Variants in OR2C1 observed in about 807,000 individuals in gnomAD.
OR2C1 encodes the protein olfactory receptor family 2 subfamily C member 1, also known as olfactory receptor 2C1.
For missense variants in OR2C1, 468 were observed against 388.3 expected (o/e 1.21, Z -1.73); for synonymous variants, 209 against 167.3 (o/e 1.25, Z -1.92).
rs973541218 is a variant in OR2C1, at chr16:3,357,070, C to T, written c.*191C>T. The T allele has an allele frequency of 1.7e-6, 1 of 575,660 alleles. No individual in the cohort carries two copies. Among genetic ancestry groups the T allele is most frequent in the Non-Finnish European group, 3.1e-6 (1 of 322,074 alleles). 35.7% of individuals were successfully genotyped at this position (575,660 alleles called of 1,614,324 possible). On this transcript the variant is annotated 3_prime_UTR_variant, in exon 1 of 1. Coordinates refer to ENST00000304936, the MANE Select transcript of OR2C1 (RefSeq NM_012368.3). ...ATTCGTAATGTTCTACACTTATTTACCAAAAATCCTACTGTGGACTACCGA... is the reference window on the plus strand; with the variant it reads ...ATTCGTAATGTTCTACACTTATTTATCAAAAATCCTACTGTGGACTACCGA...
the OR2C1 span, among the ~76,000 whole-genome samples, chr16:3,348,151 T>G: frequency 1.3e-5 from 2 of 152,204 alleles, no homozygotes; most frequent in Admixed American, 6.5e-5. Flanking sequence ...GACACATATC[T>G]GTCCAAACAC....
At chr16:3,347,056 C>A in the OR2C1 span, among the ~76,000 whole-genome samples, 3 of 150,534 alleles carry the variant, frequency 2.0e-5, no homozygotes, top group Non-Finnish European at 4.4e-5. Flanking sequence ...ACCAGCCTGG[C>A]CAACATGATG....
chr16:3,323,997 T>G, the OR2C1 span: 1 of 478,462 alleles, frequency 2.1e-6, no homozygotes. Context: ...CCAACATAAT[T>G]TTCACACTAA....
At chr16:3,335,176 G>T in the OR2C1 span, among the ~76,000 whole-genome samples, 2 of 152,284 alleles carry the variant, frequency 1.3e-5, no homozygotes, top group South Asian at 4.1e-4. Context: ...TTGTGGGTCT[G>T]TATAACTTTT....
At chr16:3,342,668 G>A in the OR2C1 span, among the ~76,000 whole-genome samples, 3 of 152,128 alleles carry the variant, frequency 2.0e-5, no homozygotes, top group African/African-American at 7.2e-5. Flanking sequence ...TCATGAGGTC[G>A]GGAGTTCGAG....
chr16:3,327,387 A>G, the OR2C1 span, among the ~76,000 whole-genome samples: 1 of 152,144 alleles, frequency 6.6e-6, no homozygotes, highest in Non-Finnish European at 1.5e-5. Flanking sequence ...TTTGGGGAAC[A>G]GTTCCTACTC....
At chr16:3,351,034 C>CAAAAA (rs1172796202), upstream of OR2C1, among the ~76,000 whole-genome samples, 2 of 49,532 alleles carry the variant, frequency 4.0e-5, no homozygotes, top group Non-Finnish European at 8.8e-5. Flanking sequence ...GACCCTGACT[C>CAAAAA]AAAAAAAAAA....
the OR2C1 span, among the ~76,000 whole-genome samples, chr16:3,343,619 G>T: frequency 6.6e-6 from 1 of 152,140 alleles, no homozygotes; most frequent in Non-Finnish European, 1.5e-5. Flanking sequence ...AGGTGTGGTG[G>T]TGGGCGCCTG....
In OR2C1 at chr16:3,356,704, C is replaced by T; in HGVS notation, c.764C>T (p.Ala255Val). The T allele has an allele frequency of 1.9e-6, 3 of 1,614,184 alleles. No homozygotes were observed. The highest frequency in any genetic ancestry group is 2.5e-6 in the Non-Finnish European group (3 of 1,180,032). ...GTGGTGTTCCTCTTCTATGGCTCAG[C>T]CAGCTATGGGTATCTGCTTCCGGCC... Reference protein sequence around the residue: ...LLVVFLFYGSASYGYLLPAKN... With the variant: ...LLVVFLFYGSVSYGYLLPAKN... The change falls in exon 1 of 1, where the codon GCC (alanine) becomes GTC (valine). Residue 255 changes from alanine (A) to valine (V), a missense_variant. Ala to Val is a moderately conservative substitution (Grantham distance 64, BLOSUM62 0). Transcript: ENST00000304936.
Position 3,356,463 on chromosome 16 carries a change from G to A in OR2C1, c.523G>A (p.Glu175Lys), listed in dbSNP as rs1312425253. The change falls in exon 1 of 1, where the codon GAG becomes AAG. Residue 175 changes from glutamate (E) to lysine (K), a missense_variant. By Grantham distance (56) the Glu-to-Lys change is moderately conservative. Coordinates refer to ENST00000304936, the MANE Select transcript of OR2C1 (RefSeq NM_012368.3). ...QLPLCGHRRV[E>K]GFLCEVPAMI... ...CCCATTGTGTGGGCACCGGAGGGTG[G>A]AGGGATTCCTCTGCGAGGTGCCTGC... is the stretch of plus-strand genomic sequence containing the variant. 2 of 1,613,918 alleles carry A rather than the reference G, an allele frequency of 1.2e-6. No homozygotes were observed. Among genetic ancestry groups the A allele is most frequent in the Non-Finnish European group, 1.7e-6 (2 of 1,180,044 alleles).
chr16:3,342,250 C>A, the OR2C1 span, among the ~76,000 whole-genome samples: 5 of 151,786 alleles, frequency 3.3e-5, no homozygotes, highest in Non-Finnish European at 7.4e-5. Flanking sequence ...GACCCTGCCT[C>A]AAAAAATAAA....
chr16:3,330,719 C>T, the OR2C1 span, among the ~76,000 whole-genome samples: 1 of 152,058 alleles, frequency 6.6e-6, no homozygotes, highest in Admixed American at 6.6e-5. Flanking sequence ...ATGCTAAGAA[C>T]ATTTGAATTA....
chr16:3,327,035 C>T, the OR2C1 span, among the ~76,000 whole-genome samples: 2 of 151,960 alleles, frequency 1.3e-5, no homozygotes, highest in Non-Finnish European at 2.9e-5. Flanking sequence ...CGAAATAATT[C>T]TAATAAATAC....
At chr16:3,344,401 T>C in the OR2C1 span, among the ~76,000 whole-genome samples, 4 of 152,130 alleles carry the variant, frequency 2.6e-5, no homozygotes, top group African/African-American at 7.2e-5. Context: ...AAACTTGAGA[T>C]AACATTTTAT....
rs1479528776 is a variant in OR2C1, at chr16:3,355,969, A to G, written c.29A>G (p.Gln10Arg). The part of the protein sequence containing the change: MDGVNDSSL[Q>R]GFVLMGISDH... ...GACGGGGTGAATGATAGCTCCTTGCAGGGCTTTGTTCTGATGGGCATATCA... is the reference window on the plus strand; with the variant it reads ...GACGGGGTGAATGATAGCTCCTTGCGGGGCTTTGTTCTGATGGGCATATCA... Residue 10 changes from glutamine (Q) to arginine (R), a missense_variant, in exon 1 of 1, where the codon CAG (glutamine) becomes CGG (arginine). By Grantham distance (43) the Gln-to-Arg change is conservative. Coordinates refer to ENST00000304936, the MANE Select transcript of OR2C1 (RefSeq NM_012368.3). The G allele has an allele frequency of 1.2e-6, 2 of 1,612,820 alleles. No homozygotes were observed. Among genetic ancestry groups the G allele is most frequent in the Admixed American group, 1.7e-5 (1 of 59,936 alleles).
At chr16:3,345,970 A>T in the OR2C1 span, among the ~76,000 whole-genome samples, 1 of 150,974 alleles carries the variant, frequency 6.6e-6, no homozygotes, top group Non-Finnish European at 1.5e-5. Flanking sequence ...TGTAGCTGGG[A>T]CTATAGGTGT....
the OR2C1 span, among the ~76,000 whole-genome samples, chr16:3,326,988 T>C: frequency 3.9e-5 from 6 of 152,172 alleles, no homozygotes; most frequent in Non-Finnish European, 7.3e-5. Flanking sequence ...CTTTATTGTT[T>C]AAGCCAATGT....
At chr16:3,328,337 T>G in the OR2C1 span, among the ~76,000 whole-genome samples, 2 of 152,242 alleles carry the variant, frequency 1.3e-5, no homozygotes, top group Non-Finnish European at 2.9e-5. Flanking sequence ...CTTCTGCAAG[T>G]CTCAAATCAA....
chr16:3,345,790 TTC>T, the OR2C1 span, among the ~76,000 whole-genome samples: 1 of 150,064 alleles, frequency 6.7e-6, no homozygotes, highest in Non-Finnish European at 1.5e-5. Context: ...TCTTTTTTCT[TTC>T]TCTCTTTCTC....
Sources: allele counts gnomAD v4.1 joint callset (sites outside exome capture counted in the v4.1 genomes callset), GRCh38; gene constraint gnomAD v4.1.1; transcripts MANE v1.5; gene names NCBI Gene and HGNC (gene_info 2026-07-23, HGNC 2026-07-21).